CDC25C: variants seen among roughly 807,000 people sequenced by gnomAD.
CDC25C encodes the protein M-phase inducer phosphatase 3.
In CDC25C, 48 loss-of-function variants were observed where a neutral mutation model predicts 52.5. The observed-to-expected ratio is 0.91, with a 90% CI of 0.72 to 1.16. The LOEUF is 1.16. CDC25C is among the 50% of genes most tolerant of loss of function. The pLI is 0.00. For missense variants in CDC25C, 510 were observed against 566.1 expected (o/e 0.90, Z 1.01); for synonymous variants, 187 against 206.5 (o/e 0.91, Z 0.81).
chr5:138,335,369 G>A (rs3756761), upstream of CDC25C: 38,218 of 152,170 alleles, frequency 0.25, 5,407 homozygotes, highest in East Asian at 0.56. Context: ...CCTCCAACTC[G>A]GCTGTTCCTT....
At chr5:138,316,334 T>C (rs1758868400) in intron 7 of CDC25C, among the ~76,000 whole-genome samples, 1 of 152,198 alleles carries the variant, frequency 6.6e-6, no homozygotes, top group Non-Finnish European at 1.5e-5. Context: ...GGCAGCACCC[T>C]GCCACCTTGA....
chr5:138,325,954 G>A lies in CDC25C; in HGVS notation c.370-50C>T, dbSNP rs777086973. The stretch of plus-strand genomic sequence containing the variant: ...CGTCCAGCATCCTCAAGCCACAGGT[G>A]CAATGGAAACCCTCTGCCTCCCACC... On this transcript the variant is annotated intron_variant, in intron 5 of 13. Coordinates refer to ENST00000323760, the MANE Select transcript of CDC25C (RefSeq NM_001790.5). 13 of 1,609,292 alleles carry A rather than the reference G, an allele frequency of 8.1e-6. No homozygotes were observed. In the Admixed American group the frequency reaches 2.2e-4, roughly 27 times the overall value.
At chr5:138,301,805 G>T (rs1452138145) in intron 7 of CDC25C, among the ~76,000 whole-genome samples, 2 of 149,412 alleles carry the variant, frequency 1.3e-5, no homozygotes, top group Non-Finnish European at 3.0e-5. Flanking sequence ...CTGGGTTCAA[G>T]CGTTTCTCCT....
chr5:138,293,343 AG>A (rs1322021452), intron 7 of CDC25C, among the ~76,000 whole-genome samples: 2 of 152,182 alleles, frequency 1.3e-5, no homozygotes, highest in Non-Finnish European at 2.9e-5. Flanking sequence ...AGAAATAATT[AG>A]GCAGTAGCAG....
At chr5:138,295,673 A>G (rs1421188387) in intron 7 of CDC25C, among the ~76,000 whole-genome samples, 1 of 152,064 alleles carries the variant, frequency 6.6e-6, no homozygotes, top group Non-Finnish European at 1.5e-5. Context: ...CACTTACATG[A>G]AAATAAATGT....
chr5:138,326,628 A>C (rs2126827801), intron 4 of CDC25C, among the ~76,000 whole-genome samples: 1 of 152,212 alleles, frequency 6.6e-6, no homozygotes, highest in African/African-American at 2.4e-5. Context: ...GATGTGAGCC[A>C]CCGCACCCGG....
At chr5:138,294,803 C>T (rs921185840) in intron 7 of CDC25C, among the ~76,000 whole-genome samples, 6 of 151,936 alleles carry the variant, frequency 3.9e-5, no homozygotes, top group Non-Finnish European at 7.4e-5. Context: ...CGCGCCTGGC[C>T]CCGCTCAGCT....
intron 7 of CDC25C, among the ~76,000 whole-genome samples, chr5:138,304,331 C>G (rs1390456475): frequency 3.0e-5 from 3 of 100,900 alleles, no homozygotes; most frequent in African/African-American, 1.3e-4. Context: ...CCATGCCTGG[C>G]TTTTTTTTTT....
chr5:138,319,707 A>G (rs550114995), intron 6 of CDC25C, among the ~76,000 whole-genome samples: 1 of 152,342 alleles, frequency 6.6e-6, no homozygotes, highest in East Asian at 1.9e-4. Context: ...AACAACAACA[A>G]TAACAATCAA....
At chr5:138,293,802 A>G (rs1325813740) in intron 7 of CDC25C, among the ~76,000 whole-genome samples, 1 of 151,684 alleles carries the variant, frequency 6.6e-6, no homozygotes, top group Non-Finnish European at 1.5e-5. Flanking sequence ...GCGCATCACC[A>G]TGCCCAGCCA....
rs144730128 is a variant in CDC25C, at chr5:138,298,182, G to A, written c.616-6066C>T. Reference sequence around the variant, plus strand: ...CCTTGCATTTTTTTTTTTTTTTTTCGTAGAGACAAGGTCTCTCTTTGTTGC... The same window carrying A: ...CCTTGCATTTTTTTTTTTTTTTTTCATAGAGACAAGGTCTCTCTTTGTTGC... On this transcript the variant is annotated intron_variant, in intron 7 of 13. Transcript: ENST00000323760. Among the ~76,000 whole-genome samples the A allele has an allele frequency of 4.2e-3, 499 of 119,208 alleles. 2 individuals are homozygous for A. The highest frequency in any genetic ancestry group is 0.014 in the African/African-American group (450 of 31,202). The allele number at this position is 119,208 out of a possible 152,430, so 78.2% of individuals were successfully genotyped here.
chr5:138,321,519 C>A (rs749989539), intron 6 of CDC25C, among the ~76,000 whole-genome samples: 1 of 151,746 alleles, frequency 6.6e-6, no homozygotes, highest in African/African-American at 2.4e-5. Flanking sequence ...TTTGGGAGGC[C>A]GAGGCAGGTG....
At chr5:138,337,193 T>C (rs142134214) in intron 1 of CDC25C, 1 of 152,256 alleles carries the variant, frequency 6.6e-6, no homozygotes, top group South Asian at 2.1e-4. Flanking sequence ...CTAAACCATC[T>C]GTGATGCTAG....
At chr5:138,338,103 C>T (rs1364325838) in exon 1 of CDC25C, 3 of 1,289,822 alleles carry the variant, frequency 2.3e-6, no homozygotes, top group Non-Finnish European at 2.0e-6. Flanking sequence ...TTCCCAACAG[C>T]GCTGTCCGAG....
upstream of CDC25C, chr5:138,333,597 A>G (rs1354753218): frequency 2.0e-5 from 3 of 152,380 alleles, no homozygotes; most frequent in Middle Eastern, 3.4e-3. Flanking sequence ...TGACGACTAC[A>G]GTATAATCAC....
At chr5:138,314,860 A>G (rs1231173904) in intron 7 of CDC25C, among the ~76,000 whole-genome samples, 1 of 143,506 alleles carries the variant, frequency 7.0e-6, no homozygotes, top group Non-Finnish European at 1.5e-5. Flanking sequence ...GCTTCAGGTG[A>G]TCTGCCCATC....
intron 7 of CDC25C, among the ~76,000 whole-genome samples, chr5:138,310,758 G>C (rs2126753525): frequency 6.6e-6 from 1 of 152,280 alleles, no homozygotes; most frequent in South Asian, 2.1e-4. Context: ...CTACTTCTCA[G>C]ACCACTGCGC....
chr5:138,300,537 T>G (rs1477798427), intron 7 of CDC25C, among the ~76,000 whole-genome samples: 1 of 151,832 alleles, frequency 6.6e-6, no homozygotes, highest in African/African-American at 2.4e-5. Context: ...CAGTCCATTC[T>G]GGGCAACAGA....
chr5:138,321,750 C>CAAAAAAAAAAAAAAAAAAAAAAAAAAAA (rs531353746), intron 6 of CDC25C, among the ~76,000 whole-genome samples: 1 of 47,172 alleles, frequency 2.1e-5, no homozygotes, highest in Non-Finnish European at 3.2e-5. Context: ...GACTCTGTCT[C>CAAAAAAAAAAAAAAAAAAAAAAAAAAAA]AAAAAAAAAA....
Sources: gnomAD v4.1 joint callset for allele counts (sites outside exome capture counted in the v4.1 genomes callset) on GRCh38, gnomAD v4.1.1 for gene constraint, MANE v1.5 for transcripts, NCBI Gene and HGNC (gene_info 2026-07-23, HGNC 2026-07-21) for gene names.